CCDC85A: variants seen among roughly 807,000 people sequenced by gnomAD.
The protein encoded by CCDC85A is coiled-coil domain containing 85A.
A neutral mutation model predicts 50.2 loss-of-function variants in CCDC85A; 38 were observed. The ratio of observed to expected loss-of-function variants is 0.76; its 90% CI spans 0.58 to 0.99. CCDC85A has a LOEUF of 0.99. CCDC85A is among the 50% of genes least tolerant of loss of function. The pLI, the probability that CCDC85A is intolerant of heterozygous loss-of-function variation, is 0.00. For synonymous variants in CCDC85A, 366 were observed against 301.4 expected (o/e 1.21, Z -2.22); for missense variants, 820 against 742.0 (o/e 1.11, Z -1.22).
rs983598211 is a variant in CCDC85A at position 56,348,623 on chromosome 2, A to G, written c.1317+5668A>G. 3.9e-5 allele frequency among the ~76,000 whole-genome samples: 6 copies of G among 152,348 alleles called. No individual in the cohort carries two copies. In the South Asian group the frequency reaches 8.3e-4, roughly 21 times the overall value. On this transcript the variant is annotated intron_variant, in intron 3 of 5. Coordinates refer to ENST00000407595, the MANE Select transcript of CCDC85A (RefSeq NM_001080433.2). ...AGGAAAAGAACCTGTCACTGTTGCC[A>G]CAAGTGCTGAGAAGGGTACGTAGGA...
intron 2 of CCDC85A, among the ~76,000 whole-genome samples, chr2:56,290,517 A>G (rs1344803096): frequency 6.6e-6 from 1 of 152,176 alleles, no homozygotes; most frequent in African/African-American, 2.4e-5. Flanking sequence ...CACTGTTTCA[A>G]ACTTAGCTGT....
At chr2:56,254,142 G>A (rs781392245) in intron 2 of CCDC85A, among the ~76,000 whole-genome samples, 1 of 152,056 alleles carries the variant, frequency 6.6e-6, no homozygotes, top group Admixed American at 6.6e-5. Flanking sequence ...TTCCCTCTTA[G>A]CAGGCAGGGT....
At chr2:56,346,610 C>T (rs1674644518) in intron 3 of CCDC85A, among the ~76,000 whole-genome samples, 1 of 152,114 alleles carries the variant, frequency 6.6e-6, no homozygotes, top group Non-Finnish European at 1.5e-5. Flanking sequence ...TTTGTGAACA[C>T]AACATTTCAA....
At chr2:56,262,843 G>C (rs987348239) in intron 2 of CCDC85A, among the ~76,000 whole-genome samples, 6 of 152,162 alleles carry the variant, frequency 3.9e-5, no homozygotes, top group Admixed American at 1.3e-4. Context: ...CAAGTATTCA[G>C]CCACATATAT....
chr2:56,383,773 C>T (rs1218920533), intron 5 of CCDC85A: 1 of 981,398 alleles, frequency 1.0e-6, no homozygotes, highest in African/African-American at 1.8e-5. Flanking sequence ...TTCCTCAGCA[C>T]ATTAAACACT....
intron 2 of CCDC85A, among the ~76,000 whole-genome samples, chr2:56,239,991 A>T (rs75603656): frequency 0.037 from 5,618 of 151,980 alleles, 138 homozygotes; most frequent in Middle Eastern, 0.088. Flanking sequence ...CCAAGTTTGA[A>T]TTTTTTTTCA....
intron 3 of CCDC85A, among the ~76,000 whole-genome samples, chr2:56,350,669 C>T (rs1221807535): frequency 1.3e-5 from 2 of 151,630 alleles, no homozygotes; most frequent in East Asian, 3.9e-4. Context: ...CCATTTCCTG[C>T]TGGAGGTTAC....
chr2:56,246,465 T>A (rs1280453932), intron 2 of CCDC85A, among the ~76,000 whole-genome samples: 2 of 152,288 alleles, frequency 1.3e-5, no homozygotes, highest in Non-Finnish European at 1.5e-5. Context: ...TGAAGATTTA[T>A]GCCTATGTTT....
intron 2 of CCDC85A, among the ~76,000 whole-genome samples, chr2:56,265,549 A>T (rs1237217671): frequency 6.6e-6 from 1 of 152,216 alleles, no homozygotes; most frequent in Non-Finnish European, 1.5e-5. Flanking sequence ...AAAAAATGCT[A>T]TTTATCTCTT....
chr2:56,276,021 T>C (rs1041232245), intron 2 of CCDC85A, among the ~76,000 whole-genome samples: 99 of 152,148 alleles, frequency 6.5e-4, no homozygotes, highest in Admixed American at 6.4e-3. Context: ...CCTGTTTAAA[T>C]TTGGCTCAAG....
chr2:56,264,126 TG>T (rs1670335178), intron 2 of CCDC85A, among the ~76,000 whole-genome samples: 1 of 152,200 alleles, frequency 6.6e-6, no homozygotes, highest in Admixed American at 6.5e-5. Context: ...TGAACAGACT[TG>T]CCTTAGGTGA....
chr2:56,346,680 GTTA>G (rs1249561537), intron 3 of CCDC85A, among the ~76,000 whole-genome samples: 1 of 152,222 alleles, frequency 6.6e-6, no homozygotes, highest in East Asian at 1.9e-4. Flanking sequence ...TTATGTGCTA[GTTA>G]TTATTATTGA....
chr2:56,328,874 G>T (rs564859630), intron 2 of CCDC85A, among the ~76,000 whole-genome samples: 1 of 152,056 alleles, frequency 6.6e-6, no homozygotes, highest in Non-Finnish European at 1.5e-5. Context: ...TCCCTCAGTG[G>T]TCACCCTCTC....
intron 3 of CCDC85A, among the ~76,000 whole-genome samples, chr2:56,364,679 C>T (rs776981019): frequency 1.4e-4 from 22 of 152,220 alleles, no homozygotes; most frequent in Middle Eastern, 3.4e-3. Flanking sequence ...AATAGCATGA[C>T]CATTTAGCGA....
chr2:56,261,071 G>A (rs532802590), intron 2 of CCDC85A, among the ~76,000 whole-genome samples: 14 of 152,282 alleles, frequency 9.2e-5, no homozygotes, highest in African/African-American at 3.1e-4. Context: ...AGGACCCCTG[G>A]GTTTGCATCC....
chr2:56,184,032 C>T lies in CCDC85A; in HGVS notation c.-593C>T. ...GCAAATCGAAGGCTTTCCGGAGCAG[C>T]CTAGGAGCGGCCGCGGGCGCAGCGA... is the stretch of plus-strand genomic sequence containing the variant. On this transcript the variant is annotated 5_prime_UTR_variant, in exon 1 of 6. Coordinates refer to ENST00000407595, the MANE Select transcript of CCDC85A (RefSeq NM_001080433.2). The T allele has an allele frequency of 1.0e-6, 1 of 985,252 alleles. No individual in the cohort carries two copies. The highest frequency in any genetic ancestry group is 1.2e-6 in the Non-Finnish European group (1 of 829,806). 61.0% of individuals were successfully genotyped at this position (985,252 alleles called of 1,614,324 possible). A position where few individuals can be genotyped will look rare whatever the true frequency, so the allele number is the denominator to read the frequency against.
intron 1 of CCDC85A, among the ~76,000 whole-genome samples, chr2:56,190,328 T>C (rs6707108): frequency 0.028 from 4,335 of 152,216 alleles, 216 homozygotes; most frequent in African/African-American, 0.098. Context: ...CTTGACTGTA[T>C]GCATAAATGG....
At position 56,193,088 on chromosome 2, in the gene CCDC85A, G is replaced by T; in HGVS notation, c.888G>T (p.Pro296=). The stretch of plus-strand genomic sequence containing the variant: ...GCAGCCCCGAACAGCAAAGGCACCC[G>T]CATCCAGGGAGCAGCCCCGAAACGC... ...CKGSPEQQRH[P]HPGSSPETLP... is the part of the protein sequence containing the mutation. The change falls in exon 2 of 6, where the codon CCG becomes CCT. Residue 296 remains proline (P), a synonymous_variant. Coordinates refer to ENST00000407595, the MANE Select transcript of CCDC85A (RefSeq NM_001080433.2). 1 of 1,613,564 alleles carries T rather than the reference G, an allele frequency of 6.2e-7. No homozygotes were observed. Among genetic ancestry groups the T allele is most frequent in the Non-Finnish European group, 8.5e-7 (1 of 1,179,806 alleles).
chr2:56,211,111 C>T (rs1360665309), intron 2 of CCDC85A, among the ~76,000 whole-genome samples: 1 of 152,014 alleles, frequency 6.6e-6, no homozygotes, highest in African/African-American at 2.4e-5. Context: ...TTCCTTGGTT[C>T]TTCCAAATTT....
Sources: allele counts gnomAD v4.1 joint callset (sites outside exome capture counted in the v4.1 genomes callset), GRCh38; gene constraint gnomAD v4.1.1; transcripts MANE v1.5; gene names NCBI Gene and HGNC (gene_info 2026-07-23, HGNC 2026-07-21).